Variants in RSPRY1 observed in about 807,000 individuals in gnomAD.
RSPRY1 encodes RING finger and SPRY domain-containing protein 1.
RSPRY1 carries 23 observed loss-of-function variants against 73.1 expected under a neutral mutation model. That is an observed-to-expected ratio of 0.31 (90% CI 0.23 to 0.45). The LOEUF is 0.45. Among genes scored for constraint, RSPRY1 ranks in the 20% least tolerant of loss-of-function variants. The pLI, the probability that RSPRY1 is intolerant of heterozygous loss-of-function variation, is 1.00. For missense variants in RSPRY1, 448 were observed against 698.7 expected, an observed-to-expected ratio of 0.64 and a Z score of 4.05; for synonymous variants, 226 against 251.4, an observed-to-expected ratio of 0.90 and a Z score of 0.95.
At chr16:57,238,691 C>T (rs1278453916) in intron 14 of RSPRY1, among the ~76,000 whole-genome samples, 188 bp from the exon 15 acceptor site, 1 of 152,178 alleles carries the variant, frequency 6.6e-6, no homozygotes, top group African/African-American at 2.4e-5. Flanking sequence ...GTTCCACAGA[C>T]TAAGACAATT....
intron 14 of RSPRY1, among the ~76,000 whole-genome samples, chr16:57,236,740 A>C (rs1170976729): frequency 6.6e-6 from 1 of 152,250 alleles, no homozygotes; most frequent in Non-Finnish European, 1.5e-5. Flanking sequence ...AAAAGCTGAT[A>C]AAACTCATAA....
At chr16:57,230,013 T>TG (rs1333204778) in intron 11 of RSPRY1, among the ~76,000 whole-genome samples, 4 of 133,348 alleles carry the variant, frequency 3.0e-5, no homozygotes, top group Non-Finnish European at 4.8e-5. Context: ...CCCTTTTTTT[T>TG]TTTTTTTTTT....
chr16:57,209,216 T>C (rs1296282025), intron 4 of RSPRY1, 29 bp downstream of exon 4: 17 of 1,397,214 alleles, frequency 1.2e-5, no homozygotes, highest in Non-Finnish European at 1.5e-5. Flanking sequence ...TTTATGAAAC[T>C]ATCATTTGTG....
At chr16:57,231,026 G>A (rs916478452) in intron 12 of RSPRY1, 141 bp from the exon 13 acceptor site, 3 of 797,476 alleles carry the variant, frequency 3.8e-6, no homozygotes, top group Non-Finnish European at 5.9e-6. Flanking sequence ...AGACCTGTGT[G>A]GGTTATAAAC....
chr16:57,208,001 T>C, intron 2 of RSPRY1, 57 bp from the exon 3 acceptor site: 1 of 1,071,404 alleles, frequency 9.3e-7, no homozygotes. Flanking sequence ...TGAATTCTTA[T>C]TTGGAATTGT....
intron 1 of RSPRY1, among the ~76,000 whole-genome samples, chr16:57,200,091 G>C (rs2074539533): frequency 6.8e-6 from 1 of 147,026 alleles, no homozygotes; most frequent in Admixed American, 6.8e-5. Context: ...CTTGAGATTA[G>C]GGAGTGGTGA....
intron 1 of RSPRY1, among the ~76,000 whole-genome samples, chr16:57,188,969 G>A (rs2074301212): frequency 6.8e-6 from 1 of 145,994 alleles, no homozygotes; most frequent in South Asian, 2.2e-4. Context: ...TCTATGTTAT[G>A]CTTTTTTCTG....
At chr16:57,225,069 GTTTT>G (rs1331995951) in intron 10 of RSPRY1, among the ~76,000 whole-genome samples, 1 of 150,934 alleles carries the variant, frequency 6.6e-6, no homozygotes, top group Non-Finnish European at 1.5e-5. Flanking sequence ...CTTTTGTTTT[GTTTT>G]GTTTTGAGAC....
rs1488910095 is a variant in RSPRY1 at position 57,201,144 on chromosome 16, G to T, written c.-155-3360G>T. Among the ~76,000 whole-genome samples the T allele has an allele frequency of 2.6e-5, 4 of 151,388 alleles. No homozygotes were observed. In the East Asian group the frequency reaches 7.8e-4, roughly 30 times the overall value. ...GGCGGAGTGGCTGCCGGGCGGAGGG[G>T]CTCCTCACTTCTCAGACGGTGTGGC... On this transcript the variant is annotated intron_variant, in intron 1 of 14. Transcript: ENST00000394420.
chr16:57,197,822 C>G (rs531624194), intron 1 of RSPRY1, among the ~76,000 whole-genome samples: 15 of 152,286 alleles, frequency 9.8e-5, no homozygotes, highest in African/African-American at 3.6e-4. Flanking sequence ...CTCCCAGGCT[C>G]AAGTGATCTT....
rs541850713 is a variant in RSPRY1 at position 57,234,608 on chromosome 16, C to A, written c.1530-516C>A. Among the ~76,000 whole-genome samples the A allele has an allele frequency of 4.1e-4, 63 of 152,312 alleles. 2 individuals are homozygous for A. The South Asian group carries it at 0.013, about 31-fold the overall frequency. ...TATTAGGGCTGTACCTTCAGCAGAA[C>A]AGTTTTGCCTGTCTGCTTCCATTCC... On this transcript the variant is annotated intron_variant, in intron 13 of 14. Transcript: ENST00000394420.
At chr16:57,215,581 T>C (rs1487081665) in intron 6 of RSPRY1, among the ~76,000 whole-genome samples, 2 of 152,232 alleles carry the variant, frequency 1.3e-5, no homozygotes, top group Non-Finnish European at 2.9e-5. Flanking sequence ...AGTTCACTTG[T>C]TGCTTTCTCC....
At chr16:57,207,991 T>C in intron 2 of RSPRY1, 67 bp from the exon 3 acceptor site, 1 of 990,644 alleles carries the variant, frequency 1.0e-6, no homozygotes. Context: ...ACCTCCAGTT[T>C]GAATTCTTAT....
chr16:57,204,806 A>G lies in RSPRY1; in HGVS notation c.148A>G (p.Ser50Gly), dbSNP rs149889245. 2.5e-6 allele frequency: 4 copies of G among 1,614,114 alleles called. No homozygotes were observed. The highest frequency in any genetic ancestry group is 2.7e-5 in the African/African-American group (2 of 74,932). Reference sequence around the variant, plus strand: ...TAATTCCTGTATCTGCCGAGATGACAGTGGAACAGATGACAGTGTTGACAC... The same window carrying G: ...TAATTCCTGTATCTGCCGAGATGACGGTGGAACAGATGACAGTGTTGACAC... ...MGNSCICRDDSGTDDSVDTQQ... is the reference protein window; with the variant it reads ...MGNSCICRDDGGTDDSVDTQQ... Residue 50 changes from serine (S) to glycine (G), a missense_variant, in exon 2 of 15, where the codon AGT becomes GGT. Transcript: ENST00000394420.
intron 1 of RSPRY1, among the ~76,000 whole-genome samples, chr16:57,197,130 T>C (rs1428851524): frequency 2.6e-5 from 4 of 152,184 alleles, no homozygotes; most frequent in Non-Finnish European, 5.9e-5. Context: ...CACGTAAAGC[T>C]TTTTTTGAAT....
At chr16:57,198,924 T>C (rs1206956875) in intron 1 of RSPRY1, among the ~76,000 whole-genome samples, 1 of 152,234 alleles carries the variant, frequency 6.6e-6, no homozygotes, top group East Asian at 1.9e-4. Flanking sequence ...AGGAAGGAGT[T>C]TGGAGTTAGC....
Position 57,217,591 on chromosome 16 carries a change from A to G in RSPRY1, c.901+556A>G, listed in dbSNP as rs146595587. Among the ~76,000 whole-genome samples the G allele has an allele frequency of 3.1e-4, 47 of 152,350 alleles. No homozygotes were observed. In the East Asian group the frequency reaches 8.9e-3, roughly 29 times the overall value. ...AAATGCTTGGGACTGAAAGTATTTC[A>G]GATTTCACATTTTTTCAGATTTTGG... On this transcript the variant is annotated intron_variant, in intron 8 of 14. Coordinates refer to ENST00000394420, the MANE Select transcript of RSPRY1 (RefSeq NM_133368.3).
Position 57,221,502 on chromosome 16 carries a change from A to C in RSPRY1, c.1161+87A>C, listed in dbSNP as rs1036585870. On this transcript the variant is annotated intron_variant, in intron 10 of 14. Coordinates refer to ENST00000394420, the MANE Select transcript of RSPRY1 (RefSeq NM_133368.3). The stretch of plus-strand genomic sequence containing the variant: ...GGTGGGTGGAAAATACTTATTTTTC[A>C]AATAGATTTGCTCAATAATCTTTTC... 8.0e-6 allele frequency: 11 copies of C among 1,375,030 alleles called. No homozygotes were observed. In the African/African-American group the frequency reaches 1.6e-4, roughly 20 times the overall value. 85.2% of individuals were successfully genotyped at this position (1,375,030 alleles called of 1,614,324 possible). A position where few individuals can be genotyped will look rare whatever the true frequency, so the allele number is the denominator to read the frequency against.
intron 4 of RSPRY1, among the ~76,000 whole-genome samples, chr16:57,212,354 T>G (rs2074859530): frequency 6.6e-6 from 1 of 152,164 alleles, no homozygotes; most frequent in African/African-American, 2.4e-5. Context: ...TTAGTAAAAC[T>G]TTTTTTAAAG....
Sources: gnomAD v4.1 joint callset for allele counts (sites outside exome capture counted in the v4.1 genomes callset) on GRCh38, gnomAD v4.1.1 for gene constraint, MANE v1.5 for transcripts, NCBI Gene and HGNC (gene_info 2026-07-23, HGNC 2026-07-21) for gene names.